Variants in GRM5 observed in about 807,000 individuals in gnomAD.
GRM5 encodes the protein metabotropic glutamate receptor 5.
GRM5 carries 19 observed loss-of-function variants against 83.1 expected under a neutral mutation model. The observed-to-expected ratio is 0.23, with a 90% confidence interval of 0.16 to 0.34. GRM5 has a LOEUF of 0.34. GRM5 is among the 10% of genes least tolerant of loss of function. The probability of loss-of-function intolerance (pLI) is 1.00; values close to 1 mark genes in which losing one functional copy is unlikely to be tolerated. For synonymous variants in GRM5, 675 were observed against 633.6 expected (o/e 1.07, Z -0.98); for missense variants, 1,160 against 1,588.3 (o/e 0.73, Z 4.58).
intron 3 of GRM5, among the ~76,000 whole-genome samples, chr11:88,795,738 G>A (rs1943263341): frequency 6.6e-6 from 1 of 152,134 alleles, no homozygotes. Context: ...TCTGTAGTAA[G>A]CAGCTGAACT....
intron 2 of GRM5, among the ~76,000 whole-genome samples, chr11:88,881,365 G>A (rs1944951164): frequency 1.3e-5 from 2 of 150,656 alleles, no homozygotes; most frequent in Non-Finnish European, 3.0e-5. Flanking sequence ...CAACTATGAT[G>A]ATCAACAAGA....
At position 88,509,342 on chromosome 11, in the gene GRM5, A is replaced by AGCGCCC. The variant is rs1565316588; in HGVS notation, c.2883_2888dup (p.Ala967_Gly968dup). 6.3e-6 allele frequency: 10 copies of AGCGCCC among 1,599,530 alleles called. No individual in the cohort carries two copies. Among genetic ancestry groups the AGCGCCC allele is most frequent in the African/African-American group, 2.7e-5 (2 of 73,972 alleles). ...CAGCGCTCCCGCCTGCGCCAGCGCC[A>AGCGCCC]GCGCCCAGGCCACGGCTCTCCGTGC... On this transcript the variant is annotated inframe_insertion, in exon 10 of 10. Coordinates refer to ENST00000305447, the MANE Select transcript of GRM5 (RefSeq NM_001143831.3).
At chr11:88,954,307 G>T (rs1408161547) in intron 2 of GRM5, among the ~76,000 whole-genome samples, 3 of 151,970 alleles carry the variant, frequency 2.0e-5, no homozygotes, top group African/African-American at 7.2e-5. Context: ...TTGACCTCAT[G>T]AGCCCTCCAA....
At chr11:89,042,171 T>A (rs1477867452) in intron 2 of GRM5, among the ~76,000 whole-genome samples, 4 of 152,110 alleles carry the variant, frequency 2.6e-5, no homozygotes, top group Non-Finnish European at 1.5e-5. Context: ...AGGCTAATTT[T>A]TAGATGAATT....
chr11:88,691,995 A>G (rs1565188920), intron 3 of GRM5, among the ~76,000 whole-genome samples: 2 of 152,232 alleles, frequency 1.3e-5, no homozygotes, highest in African/African-American at 4.8e-5. Flanking sequence ...GCTGGTGCTC[A>G]GTTCTCCTAA....
Position 88,850,084 on chromosome 11 carries a change from A to C in GRM5, c.733T>G (p.Ser245Ala). 2 of 1,483,438 alleles carry C rather than the reference A, an allele frequency of 1.3e-6. No individual in the cohort carries two copies. The highest frequency in any genetic ancestry group is 1.9e-6 in the Non-Finnish European group (2 of 1,060,768). 91.9% of individuals were successfully genotyped at this position (1,483,438 alleles called of 1,614,324 possible). A position where few individuals can be genotyped will look rare whatever the true frequency, so the allele number is the denominator to read the frequency against. Residue 245 changes from serine (S) to alanine (A), a missense_variant, in exon 3 of 10, where the codon TCT becomes GCT. This residue lies in a region of GRM5 where 84 missense variants were observed against 231.0 expected (regional missense o/e 0.36). Transcript: ENST00000305447. ...CCTGCATTACTGTAGATTTTGTAAG[A>C]GTGGGCGATGCAAATCCCTTCCTTC... ...SAKEGICIAH[S>A]YKIYSNAGEQ...
intron 1 of GRM5, among the ~76,000 whole-genome samples, chr11:89,064,572 A>G (rs2135177862): frequency 6.6e-6 from 1 of 152,228 alleles, no homozygotes; most frequent in South Asian, 2.1e-4. Context: ...CTTAGTATGC[A>G]GATCTTCAAA....
intron 3 of GRM5, among the ~76,000 whole-genome samples, chr11:88,789,355 AG>A (rs1284013564): frequency 6.6e-6 from 1 of 152,118 alleles, no homozygotes; most frequent in Non-Finnish European, 1.5e-5. Flanking sequence ...ATAAAAGCAA[AG>A]AAAAAAAAGA....
chr11:88,580,139 C>G (rs1943192089), intron 7 of GRM5, among the ~76,000 whole-genome samples: 2 of 151,988 alleles, frequency 1.3e-5, no homozygotes, highest in South Asian at 4.2e-4. Flanking sequence ...GATAAAGCAG[C>G]CTGGGAGATT....
intron 3 of GRM5, among the ~76,000 whole-genome samples, chr11:88,685,535 A>G (rs1192277463): frequency 6.6e-5 from 10 of 152,198 alleles, no homozygotes; most frequent in Non-Finnish European, 1.3e-4. Flanking sequence ...GTTAATCCCC[A>G]AGACAATGGG....
chr11:88,971,320 C>A (rs989921171), intron 2 of GRM5, among the ~76,000 whole-genome samples: 1 of 152,028 alleles, frequency 6.6e-6, no homozygotes, highest in South Asian at 2.1e-4. Context: ...GGCACATGTG[C>A]GGGTTTGACA....
intron 4 of GRM5, among the ~76,000 whole-genome samples, chr11:88,646,176 G>A (rs7930807): frequency 0.011 from 1,636 of 152,136 alleles, 32 homozygotes; most frequent in African/African-American, 0.037. Context: ...CAGTATGGCT[G>A]TAAAGGAAAC....
At chr11:88,771,339 C>T (rs1942732399) in intron 3 of GRM5, among the ~76,000 whole-genome samples, 1 of 152,082 alleles carries the variant, frequency 6.6e-6, no homozygotes, top group Admixed American at 6.6e-5. Context: ...AGGAGGGGCT[C>T]AGTCTAAGTC....
intron 2 of GRM5, among the ~76,000 whole-genome samples, chr11:89,038,870 A>G (rs978125371): frequency 2.0e-4 from 30 of 152,182 alleles, no homozygotes; most frequent in African/African-American, 7.0e-4. Flanking sequence ...TCTGCCACTA[A>G]CTTTAGCTGC....
chr11:88,884,195 G>A (rs1218214582), intron 2 of GRM5, among the ~76,000 whole-genome samples: 2 of 152,206 alleles, frequency 1.3e-5, no homozygotes, highest in Non-Finnish European at 2.9e-5. Flanking sequence ...AGTCACAGGG[G>A]CAGAGTTGCC....
chr11:88,676,148 A>C (rs1055836179), intron 3 of GRM5, among the ~76,000 whole-genome samples: 17 of 152,064 alleles, frequency 1.1e-4, no homozygotes, highest in Non-Finnish European at 2.2e-4. Context: ...GCATTTTATT[A>C]TAACACTCTC....
At chr11:88,739,207 A>G (rs907714897) in intron 3 of GRM5, among the ~76,000 whole-genome samples, 1 of 152,052 alleles carries the variant, frequency 6.6e-6, no homozygotes, top group Non-Finnish European at 1.5e-5. Context: ...ATGGTAAACA[A>G]GACTTACAAA....
chr11:89,032,694 G>A (rs1941288950), intron 2 of GRM5, among the ~76,000 whole-genome samples: 1 of 151,980 alleles, frequency 6.6e-6, no homozygotes, highest in African/African-American at 2.4e-5. Flanking sequence ...TGGTAATTTA[G>A]GCATAGGGAA....
intron 9 of GRM5, among the ~76,000 whole-genome samples, chr11:88,520,656 C>A: frequency 6.6e-6 from 1 of 152,090 alleles, no homozygotes; most frequent in African/African-American, 2.4e-5. Flanking sequence ...TCTCTAGAGT[C>A]TTTTGAGTCC....
Sources: allele counts gnomAD v4.1 joint callset (sites outside exome capture counted in the v4.1 genomes callset), GRCh38; gene constraint gnomAD v4.1.1; regional missense constraint gnomAD v4.1.1; transcripts MANE v1.5; gene names NCBI Gene and HGNC (gene_info 2026-07-23, HGNC 2026-07-21).